PTPRD: variants seen among roughly 807,000 people sequenced by gnomAD.
PTPRD encodes receptor-type tyrosine-protein phosphatase delta.
A neutral mutation model predicts 214.5 loss-of-function variants in PTPRD; 34 were observed. That is an observed-to-expected ratio of 0.16 (90% CI 0.12 to 0.21). PTPRD has a LOEUF of 0.21. PTPRD is among the 10% of genes least tolerant of loss of function. The pLI, the probability that PTPRD is intolerant of heterozygous loss-of-function variation, is 1.00. For synonymous variants in PTPRD, 1,128 were observed against 845.7 expected (o/e 1.33, Z -5.79); for missense variants, 2,545 against 2,398.7 (o/e 1.06, Z -1.27).
At chr9:9,666,782 A>C (rs1322904489) in intron 7 of PTPRD, among the ~76,000 whole-genome samples, 1 of 151,998 alleles carries the variant, frequency 6.6e-6, no homozygotes, top group Non-Finnish European at 1.5e-5. Context: ...CTAAAACCAA[A>C]AATGTGTTTA....
intron 3 of PTPRD, among the ~76,000 whole-genome samples, chr9:10,053,091 G>T (rs751825369): frequency 6.6e-6 from 1 of 152,096 alleles, no homozygotes; most frequent in Non-Finnish European, 1.5e-5. Context: ...TAAGGCAAAT[G>T]TTTTGCCCTT....
chr9:10,419,361 A>G (rs2098525045), intron 2 of PTPRD, among the ~76,000 whole-genome samples: 1 of 151,894 alleles, frequency 6.6e-6, no homozygotes, highest in Non-Finnish European at 1.5e-5. Context: ...TGTTTACTAC[A>G]TTATCAGGGC....
rs143746260 is a variant in PTPRD, at chr9:10,295,748, G to T, written c.-545+45215C>A. On this transcript the variant is annotated intron_variant, in intron 3 of 45. Coordinates refer to ENST00000381196, the MANE Select transcript of PTPRD (RefSeq NM_002839.4). ...CTTTATGATATTGACATCATCCTACGTTACCCTTACCCGGGTGGGTCCAAT... is the reference window on the plus strand; with the variant it reads ...CTTTATGATATTGACATCATCCTACTTTACCCTTACCCGGGTGGGTCCAAT... Among the ~76,000 whole-genome samples the T allele has an allele frequency of 2.2e-3, 332 of 152,062 alleles. 1 individual carries two copies. Among genetic ancestry groups the T allele is most frequent in the African/African-American group, 7.6e-3 (314 of 41,494 alleles).
intron 3 of PTPRD, among the ~76,000 whole-genome samples, chr9:10,093,891 T>C (rs542287772): frequency 1.3e-5 from 2 of 151,420 alleles, no homozygotes; most frequent in Non-Finnish European, 3.0e-5. Flanking sequence ...ACATTGAGTA[T>C]GCATGAATAT....
chr9:9,030,337 C>G (rs1197165858), intron 10 of PTPRD, among the ~76,000 whole-genome samples: 1 of 110,114 alleles, frequency 9.1e-6, no homozygotes, highest in African/African-American at 3.6e-5. Context: ...TTCTCATTCA[C>G]TAGTAAGTAT....
At chr9:9,199,305 C>G (rs1007618205) in intron 9 of PTPRD, among the ~76,000 whole-genome samples, 3 of 152,168 alleles carry the variant, frequency 2.0e-5, no homozygotes, top group African/African-American at 4.8e-5. Context: ...TAAGCACATT[C>G]TCTTATTCAG....
At chr9:10,389,701 T>A (rs1374413900) in intron 2 of PTPRD, among the ~76,000 whole-genome samples, 1 of 151,804 alleles carries the variant, frequency 6.6e-6, no homozygotes, top group African/African-American at 2.4e-5. Flanking sequence ...CATCCTTGAT[T>A]TTCTCCATAC....
intron 11 of PTPRD, among the ~76,000 whole-genome samples, chr9:8,834,415 GTC>G (rs1168975114): frequency 4.4e-5 from 5 of 114,844 alleles, no homozygotes; most frequent in African/African-American, 1.8e-4. Flanking sequence ...TACAAAAATA[GTC>G]TCTTTTATAA....
At chr9:8,990,656 T>A (rs1335240619) in intron 11 of PTPRD, among the ~76,000 whole-genome samples, 1 of 152,084 alleles carries the variant, frequency 6.6e-6, no homozygotes. Context: ...AAAATATTAT[T>A]CTCGCCTTCC....
intron 3 of PTPRD, among the ~76,000 whole-genome samples, chr9:10,147,581 C>T (rs886805848): frequency 3.9e-5 from 6 of 152,032 alleles, no homozygotes; most frequent in African/African-American, 9.7e-5. Context: ...TATAGAGATG[C>T]AAAAGCTACA....
chr9:9,782,019 C>T (rs919447592), intron 5 of PTPRD, among the ~76,000 whole-genome samples: 6 of 152,096 alleles, frequency 3.9e-5, no homozygotes, highest in African/African-American at 1.4e-4. Context: ...GTCTCGATCT[C>T]CTGACCTTAT....
chr9:10,508,353 G>T (rs1481438185), intron 2 of PTPRD, among the ~76,000 whole-genome samples: 1 of 152,158 alleles, frequency 6.6e-6, no homozygotes, highest in Non-Finnish European at 1.5e-5. Context: ...TGGTGGGACT[G>T]TAAACTAGTT....
chr9:9,361,404 T>C (rs557733452), intron 9 of PTPRD, among the ~76,000 whole-genome samples: 38 of 151,252 alleles, frequency 2.5e-4, no homozygotes, highest in African/African-American at 8.9e-4. Flanking sequence ...AGTATTATCT[T>C]AGTGTCCTAT....
intron 6 of PTPRD, among the ~76,000 whole-genome samples, chr9:9,750,714 T>C (rs1392704749): frequency 6.6e-6 from 1 of 152,140 alleles, no homozygotes; most frequent in African/African-American, 2.4e-5. Flanking sequence ...ACATTTTCAA[T>C]CACTAACAAG....
chr9:9,165,513 G>T (rs190965128), intron 10 of PTPRD, among the ~76,000 whole-genome samples: 1 of 152,288 alleles, frequency 6.6e-6, no homozygotes, highest in Admixed American at 6.5e-5. Context: ...TGCTGTTTGG[G>T]ATAGATAGAA....
At chr9:9,878,644 G>A (rs1297583298) in intron 5 of PTPRD, among the ~76,000 whole-genome samples, 1 of 152,054 alleles carries the variant, frequency 6.6e-6, no homozygotes, top group African/African-American at 2.4e-5. Flanking sequence ...TAGAACTCTT[G>A]GATTGTTTCT....
intron 35 of PTPRD, among the ~76,000 whole-genome samples, chr9:8,420,445 C>T (rs1255857079): frequency 6.6e-6 from 1 of 151,930 alleles, no homozygotes; most frequent in Non-Finnish European, 1.5e-5. Context: ...TTCTTGTTCT[C>T]AAGGCCATTT....
intron 5 of PTPRD, among the ~76,000 whole-genome samples, chr9:9,907,002 A>C (rs759420178): frequency 6.6e-6 from 1 of 151,940 alleles, no homozygotes; most frequent in Non-Finnish European, 1.5e-5. Flanking sequence ...AGCAGACTTT[A>C]GGAAAAATTA....
chr9:9,558,279 G>C (rs923573178), intron 8 of PTPRD, among the ~76,000 whole-genome samples: 2 of 152,176 alleles, frequency 1.3e-5, no homozygotes, highest in African/African-American at 4.8e-5. Context: ...GCCTTTCCAT[G>C]TTATGGCTAC....
Sources: allele counts gnomAD v4.1 joint callset (sites outside exome capture counted in the v4.1 genomes callset), GRCh38; gene constraint gnomAD v4.1.1; transcripts MANE v1.5; gene names NCBI Gene and HGNC (gene_info 2026-07-23, HGNC 2026-07-21).